Variants in ANO1 observed in about 807,000 individuals in gnomAD.
ANO1 encodes the protein anoctamin-1.
In ANO1, 59 loss-of-function variants were observed where a neutral mutation model predicts 124.0. The observed-to-expected ratio is 0.48, with a 90% confidence interval of 0.39 to 0.59. ANO1 has a LOEUF of 0.59. Ranked by LOEUF, ANO1 falls within the 20% of genes least tolerant of loss-of-function variation. ANO1 has a pLI of 0.00. For synonymous variants in ANO1, 529 were observed against 532.0 expected (o/e 0.99, Z 0.08); for missense variants, 1,059 against 1,328.0 (o/e 0.80, Z 3.15).
chr11:70,105,876 C>G lies in ANO1; in HGVS notation c.747+88C>G. 14 of 1,306,786 alleles carry G rather than the reference C, an allele frequency of 1.1e-5. No homozygotes were observed. The South Asian group carries it at 1.1e-4, about 10-fold the overall frequency. The allele number at this position is 1,306,786 out of a possible 1,614,324, so 80.9% of individuals were successfully genotyped here. A position where few individuals can be genotyped will look rare whatever the true frequency, so the allele number is the denominator to read the frequency against. On this transcript the variant is annotated intron_variant, in intron 5 of 25. Coordinates refer to ENST00000355303, the MANE Select transcript of ANO1 (RefSeq NM_018043.7). ...AATTTCATTTTGGTGAAACTCCTCC[C>G]GGTGGAAGCCGGCTCTAATTGTCTG...
intron 16 of ANO1, among the ~76,000 whole-genome samples, chr11:70,157,847 G>T (rs982144762): frequency 2.0e-5 from 3 of 151,950 alleles, no homozygotes; most frequent in African/African-American, 7.3e-5. Flanking sequence ...TGGCGTGGTC[G>T]TGCGCGCCTG....
At chr11:70,156,570 C>T (rs1372432980) in intron 15 of ANO1, among the ~76,000 whole-genome samples, 6 of 152,148 alleles carry the variant, frequency 3.9e-5, no homozygotes, top group African/African-American at 1.4e-4. Context: ...AAAACATCTT[C>T]CATCTTCTAG....
At chr11:70,106,822 G>T (rs920656523) in intron 5 of ANO1, among the ~76,000 whole-genome samples, 1 of 152,194 alleles carries the variant, frequency 6.6e-6, no homozygotes, top group Non-Finnish European at 1.5e-5. Flanking sequence ...ATCTGTCCTG[G>T]CATTGGGGTG....
At position 70,088,029 on chromosome 11, in the gene ANO1, A is replaced by T. The variant is rs761236285; in HGVS notation, c.386A>T (p.Glu129Val). 2 of 1,500,648 alleles carry T rather than the reference A, an allele frequency of 1.3e-6. No individual in the cohort carries two copies. The highest frequency in any genetic ancestry group is 4.9e-5 in the East Asian group (2 of 40,752). The allele number at this position is 1,500,648 out of a possible 1,614,324, so 93.0% of individuals were successfully genotyped here. The change falls in exon 2 of 26, where the codon GAG (glutamate) becomes GTG (valine). Residue 129 changes from glutamate to valine, a missense_variant. Glu to Val is a moderately radical substitution (Grantham distance 121, BLOSUM62 -2). Coordinates refer to ENST00000355303, the MANE Select transcript of ANO1 (RefSeq NM_018043.7). Reference protein sequence around the residue: ...YHEDDKRFRREEYEGNLLEAG... With the variant: ...YHEDDKRFRRVEYEGNLLEAG... ...GAGGATGACAAGCGCTTCCGCAGGG[A>T]GGAGTACGAGGGCAACCTCCTGGAG...
At chr11:69,968,381 C>T in the ANO1 span, among the ~76,000 whole-genome samples, 1 of 152,142 alleles carries the variant, frequency 6.6e-6, no homozygotes. Context: ...GAAGCAAGTT[C>T]CAAAGGCAGA....
chr11:70,179,976 T>A, intron 22 of ANO1, 28 bp from the exon 23 acceptor site: 1 of 1,606,972 alleles, frequency 6.2e-7, no homozygotes, highest in Non-Finnish European at 8.5e-7. Flanking sequence ...GTAGGGCTCT[T>A]TAAAACTGTG....
At chr11:70,124,484 G>T in intron 9 of ANO1, 70 bp downstream of exon 9, 1 of 1,494,338 alleles carries the variant, frequency 6.7e-7, no homozygotes, top group South Asian at 1.1e-5. Flanking sequence ...ATCCCTGTGG[G>T]TTTCAACCGC....
At chr11:70,104,998 A>G (rs2045450212) in intron 4 of ANO1, among the ~76,000 whole-genome samples, 1 of 151,872 alleles carries the variant, frequency 6.6e-6, no homozygotes, top group South Asian at 2.1e-4. Flanking sequence ...GAAGGAAGCA[A>G]CCCCCAAGCC....
chr11:69,967,445 C>T, the ANO1 span, among the ~76,000 whole-genome samples: 1 of 152,264 alleles, frequency 6.6e-6, no homozygotes, highest in Non-Finnish European at 1.5e-5. Context: ...TGACTCAAGG[C>T]TTTGGGGCCA....
chr11:70,133,163 G>A (rs2046828121), intron 11 of ANO1, among the ~76,000 whole-genome samples: 1 of 152,216 alleles, frequency 6.6e-6, no homozygotes, highest in Non-Finnish European at 1.5e-5. Flanking sequence ...TCTGTGGGTA[G>A]GCAAGGGGCA....
chr11:70,037,452 C>A (rs1303526397), intron 1 of ANO1, among the ~76,000 whole-genome samples: 4 of 151,922 alleles, frequency 2.6e-5, no homozygotes, highest in Admixed American at 2.0e-4. Context: ...ACGCAGAAAG[C>A]AAGCAGAGAA....
rs1565159683 is a variant in ANO1 at position 70,010,164 on chromosome 11, TGCGCG to T, written c.58+23999_58+24003del. 4.5e-3 allele frequency among the ~76,000 whole-genome samples: 278 copies of T among 61,266 alleles called. 20 individuals carry two copies. Among genetic ancestry groups the T allele is most frequent in the African/African-American group, 0.015 (265 of 18,138 alleles). 40.2% of individuals were successfully genotyped at this position (61,266 alleles called of 152,430 possible). A position where few individuals can be genotyped will look rare whatever the true frequency, so the allele number is the denominator to read the frequency against. On this transcript the variant is annotated intron_variant, in intron 1 of 27. Coordinates refer to the ANO1 transcript ENST00000531349. ...GTGTGTGTGTGTGTGTGTGTGTGTG[TGCGCG>T]TGTGTGTGTGTATATATATATATAT...
At chr11:70,083,706 C>A (rs2044269606) in intron 1 of ANO1, among the ~76,000 whole-genome samples, 1 of 152,168 alleles carries the variant, frequency 6.6e-6, no homozygotes, top group African/African-American at 2.4e-5. Context: ...ATTATCCCTG[C>A]CAACCAGGAG....
chr11:70,069,276 C>A (rs1044124427), intron 1 of ANO1, among the ~76,000 whole-genome samples: 1 of 152,184 alleles, frequency 6.6e-6, no homozygotes, highest in African/African-American at 2.4e-5. Context: ...CCAGAAGGAA[C>A]CTGTGGCTTT....
intron 1 of ANO1, among the ~76,000 whole-genome samples, chr11:70,066,122 ATAGAAGTGTCGC>A (rs1167387396): frequency 6.6e-6 from 1 of 152,228 alleles, no homozygotes; most frequent in African/African-American, 2.4e-5. Context: ...TGTCTGGCAC[ATAGAAGTGTCGC>A]TGAATGAATG....
At chr11:70,040,642 T>A (rs1857168543) in intron 1 of ANO1, among the ~76,000 whole-genome samples, 1 of 152,112 alleles carries the variant, frequency 6.6e-6, no homozygotes, top group Non-Finnish European at 1.5e-5. Flanking sequence ...GCCACTGCAC[T>A]CCACCCTGGG....
chr11:70,006,134 T>C (rs1303490791), intron 1 of ANO1, among the ~76,000 whole-genome samples: 1 of 152,188 alleles, frequency 6.6e-6, no homozygotes, highest in African/African-American at 2.4e-5. Flanking sequence ...CCAGCTGTCT[T>C]ATGTGCCATC....
In ANO1 at chr11:70,095,375, AAAG is replaced by A. The variant is rs1491476567; in HGVS notation, c.441+7294_441+7296del. ...GAAAGAAAGAAAGAAAGAAAGAAAG[AAAG>A]AAAGAAAGAAAGAAAGAAAGAAAGA... On this transcript the variant is annotated intron_variant, in intron 2 of 25. Coordinates refer to ENST00000355303, the MANE Select transcript of ANO1 (RefSeq NM_018043.7). Among the ~76,000 whole-genome samples, 61 of 34,384 alleles carry A rather than the reference AAAG, an allele frequency of 1.8e-3. 2 individuals carry two copies. Among genetic ancestry groups the A allele is most frequent in the African/African-American group, 4.5e-3 (57 of 12,582 alleles). 22.6% of individuals were successfully genotyped at this position (34,384 alleles called of 152,430 possible). A position where few individuals can be genotyped will look rare whatever the true frequency, so the allele number is the denominator to read the frequency against.
chr11:70,004,189 G>A (rs979584273), intron 1 of ANO1, among the ~76,000 whole-genome samples: 2 of 152,226 alleles, frequency 1.3e-5, no homozygotes, highest in Non-Finnish European at 2.9e-5. Flanking sequence ...GGGCAGCGCT[G>A]TGTTCCCATC....
Sources: gnomAD v4.1 joint callset for allele counts (sites outside exome capture counted in the v4.1 genomes callset) on GRCh38, gnomAD v4.1.1 for gene constraint, MANE v1.5 for transcripts, NCBI Gene and HGNC (gene_info 2026-07-23, HGNC 2026-07-21) for gene names.